BICRA: variants seen among roughly 807,000 people sequenced by gnomAD.
The protein encoded by BICRA is BRD4 interacting chromatin remodeling complex associated protein.
A neutral mutation model predicts 96.9 loss-of-function variants in BICRA; 31 were observed. The observed-to-expected ratio is 0.32, with a 90% CI of 0.24 to 0.43. The LOEUF is 0.43. Among genes scored for constraint, BICRA ranks in the 20% least tolerant of loss-of-function variants. The pLI is 1.00. For missense variants in BICRA, 2,283 were observed against 2,190.3 expected (o/e 1.04, Z -0.84); for synonymous variants, 1,350 against 1,071.8 (o/e 1.26, Z -5.07).
Position 47,697,482 on chromosome 19 carries a change from T to C in BICRA, c.3248+970T>C, listed in dbSNP as rs563373832. On this transcript the variant is annotated intron_variant, in intron 11 of 14. Transcript: ENST00000594866. Reference sequence around the variant, plus strand: ...CAGGCTGGTTGGTTTTGTTTTTGTTTTGTTTTGTTTTTGGAGACGAAGTCT... The same window carrying C: ...CAGGCTGGTTGGTTTTGTTTTTGTTCTGTTTTGTTTTTGGAGACGAAGTCT... 2.0e-4 allele frequency among the ~76,000 whole-genome samples: 30 copies of C among 151,564 alleles called. 1 individual carries two copies. The South Asian group carries it at 4.4e-3, about 22-fold the overall frequency.
intron 1 of BICRA, among the ~76,000 whole-genome samples, chr19:47,657,917 A>ACT (rs113660691): frequency 0.25 from 36,981 of 149,000 alleles, 4,713 homozygotes; most frequent in Middle Eastern, 0.31. Flanking sequence ...TCCCTCTTAT[A>ACT]CTCTCTCTCT....
chr19:47,670,952 G>A (rs1046535330), intron 2 of BICRA, among the ~76,000 whole-genome samples: 7 of 152,060 alleles, frequency 4.6e-5, no homozygotes, highest in South Asian at 2.1e-4. Flanking sequence ...GCGAGAGCCC[G>A]GGAGGCACCT....
At chr19:47,644,069 A>C (rs973784144) in intron 1 of BICRA, among the ~76,000 whole-genome samples, 7 of 152,102 alleles carry the variant, frequency 4.6e-5, no homozygotes, top group African/African-American at 1.7e-4. Flanking sequence ...CCCAGGCTGG[A>C]GTGCAGTGGG....
chr19:47,614,926 GGC>G (rs1353996703), intron 1 of BICRA, among the ~76,000 whole-genome samples: 1 of 152,164 alleles, frequency 6.6e-6, no homozygotes, highest in Non-Finnish European at 1.5e-5. Flanking sequence ...CTAGATCAAG[GGC>G]CAGTGATTTG....
At position 47,680,412 on chromosome 19, in the gene BICRA, C is replaced by G; in HGVS notation, c.1242C>G (p.Phe414Leu). 3 of 1,535,654 alleles carry G rather than the reference C, an allele frequency of 2.0e-6. No individual in the cohort carries two copies. The highest frequency in any genetic ancestry group is 2.6e-6 in the Non-Finnish European group (3 of 1,145,682). ...GCCAGAACGTGGTGCTGTCGGGCTT[C>G]CCCGCGCCTGCGCTGCAAGCGAACG... Reference protein sequence around the residue: ...KAGQNVVLSGFPAPALQANVF... With the variant: ...KAGQNVVLSGLPAPALQANVF... The change falls in exon 6 of 15, where the codon TTC becomes TTG. Residue 414 changes from phenylalanine (F) to leucine (L), a missense_variant. Coordinates refer to ENST00000594866, the MANE Select transcript of BICRA (RefSeq NM_001394372.1).
chr19:47,641,147 C>T lies in BICRA; in HGVS notation c.-107-29296C>T, dbSNP rs918458400. Among the ~76,000 whole-genome samples, 63 of 143,732 alleles carry T rather than the reference C, an allele frequency of 4.4e-4. 1 individual carries two copies. Among genetic ancestry groups the T allele is most frequent in the African/African-American group, 1.5e-3 (56 of 38,274 alleles). The allele number at this position is 143,732 out of a possible 152,430, so 94.3% of individuals were successfully genotyped here. A position where few individuals can be genotyped will look rare whatever the true frequency, so the allele number is the denominator to read the frequency against. ...GTGTTAGCCAGGATGGTCTCGGTCT[C>T]CTGACCTTGTGATCTGCCTGCCTCG... is the stretch of plus-strand genomic sequence containing the variant. On this transcript the variant is annotated intron_variant, in intron 1 of 14. Coordinates refer to ENST00000594866, the MANE Select transcript of BICRA (RefSeq NM_001394372.1).
intron 1 of BICRA, among the ~76,000 whole-genome samples, chr19:47,623,463 G>T (rs1399241677): frequency 6.6e-6 from 1 of 152,166 alleles, no homozygotes; most frequent in Non-Finnish European, 1.5e-5. Context: ...ACTTCCCAAG[G>T]TCACACAGGG....
chr19:47,672,345 AGATG>A (rs1454924695), intron 2 of BICRA, among the ~76,000 whole-genome samples: 5 of 144,986 alleles, frequency 3.4e-5, no homozygotes, highest in South Asian at 2.3e-4. Flanking sequence ...ATGGGTAGGT[AGATG>A]GATGGAAGGA....
At chr19:47,610,569 G>A (rs1355239847) in intron 1 of BICRA, among the ~76,000 whole-genome samples, 1 of 150,448 alleles carries the variant, frequency 6.6e-6, no homozygotes, top group African/African-American at 2.4e-5. Context: ...GCTGCAGTCT[G>A]TGCCCAGGCC....
chr19:47,685,741 CTGTGTGTGTGTG>C (rs3074109), intron 7 of BICRA, among the ~76,000 whole-genome samples: 73 of 115,554 alleles, frequency 6.3e-4, no homozygotes, highest in African/African-American at 1.6e-3. Flanking sequence ...TTGGCAGCCT[CTGTGTGTGTGTG>C]TGTGTGTGTG....
In BICRA at chr19:47,694,895, C is replaced by T. The variant is rs1973309641; in HGVS notation, c.2896-5C>T. On this transcript the variant is annotated splice_region_variant and splice_polypyrimidine_tract_variant and intron_variant, in intron 8 of 14. Transcript: ENST00000594866. ...CCACCCCTCATCCACCTGTCCCCTC[C>T]TCAGGTGCCGTCCGGAATCATCCTC... 6.6e-7 allele frequency: 1 copy of T among 1,508,642 alleles called. No individual in the cohort carries two copies. The highest frequency in any genetic ancestry group is 8.8e-7 in the Non-Finnish European group (1 of 1,134,402). The allele number at this position is 1,508,642 out of a possible 1,614,324, so 93.5% of individuals were successfully genotyped here. A position where few individuals can be genotyped will look rare whatever the true frequency, so the allele number is the denominator to read the frequency against.
chr19:47,659,674 A>T (rs1972673414), intron 1 of BICRA, among the ~76,000 whole-genome samples: 1 of 145,082 alleles, frequency 6.9e-6, no homozygotes, highest in Non-Finnish European at 1.5e-5. Context: ...GCAGCTGTAC[A>T]TGGTGGTGCA....
chr19:47,649,070 C>T (rs1718185993), intron 1 of BICRA, among the ~76,000 whole-genome samples: 1 of 152,092 alleles, frequency 6.6e-6, no homozygotes, highest in South Asian at 2.1e-4. Context: ...CTATGATGGT[C>T]TCAATCTCCT....
chr19:47,611,697 C>A (rs1971909755), intron 1 of BICRA, among the ~76,000 whole-genome samples: 1 of 152,162 alleles, frequency 6.6e-6, no homozygotes, highest in African/African-American at 2.4e-5. Flanking sequence ...TAACCTTAGG[C>A]AGGTCATTTA....
At chr19:47,688,070 C>G (rs1973186108) in intron 7 of BICRA, among the ~76,000 whole-genome samples, 1 of 151,882 alleles carries the variant, frequency 6.6e-6, no homozygotes, top group South Asian at 2.1e-4. Context: ...ACCCCCTGTG[C>G]TTTTCTCTAA....
At chr19:47,656,783 A>G (rs1365231617) in intron 1 of BICRA, among the ~76,000 whole-genome samples, 1 of 152,108 alleles carries the variant, frequency 6.6e-6, no homozygotes, top group Non-Finnish European at 1.5e-5. Context: ...TTTCCCAGTC[A>G]TTCCTGCATC....
In BICRA at chr19:47,701,545, T is replaced by TTCCTCCTCCTCCTCTGCCGCCTCCTCC. The variant is rs1973445835; in HGVS notation, c.3815_3841dup (p.Ser1272_Ser1280dup). On this transcript the variant is annotated inframe_insertion, in exon 15 of 15. Transcript: ENST00000594866. The surrounding 1 kb of genome is among the most constrained non-coding windows in gnomAD (Gnocchi z 5.4). ...GGGCGTCCTCCTCCCTGTCCTCCTCTTCCTCCTCCTCCTCTGCCGCCTCCT... is the reference window on the plus strand; with the variant it reads ...GGGCGTCCTCCTCCCTGTCCTCCTCTTCCTCCTCCTCCTCTGCCGCCTCCTCCTCCTCCTCCTCCTCTGCCGCCTCCT... 6.5e-7 allele frequency: 1 copy of TTCCTCCTCCTCCTCTGCCGCCTCCTCC among 1,548,390 alleles called. No individual in the cohort carries two copies. Among genetic ancestry groups the TTCCTCCTCCTCCTCTGCCGCCTCCTCC allele is most frequent in the Non-Finnish European group, 8.7e-7 (1 of 1,146,244 alleles).
intron 7 of BICRA, among the ~76,000 whole-genome samples, chr19:47,689,791 C>A (rs2123600751): frequency 6.6e-6 from 1 of 152,334 alleles, no homozygotes; most frequent in East Asian, 1.9e-4. Context: ...ACGTTTCTCT[C>A]CCATTTGTAC....
intron 1 of BICRA, among the ~76,000 whole-genome samples, chr19:47,640,403 G>T (rs1972366736): frequency 6.6e-6 from 1 of 152,090 alleles, no homozygotes; most frequent in Non-Finnish European, 1.5e-5. Context: ...GATGGTGTGT[G>T]CCTGTAATCC....
Sources: gnomAD v4.1 joint callset for allele counts (sites outside exome capture counted in the v4.1 genomes callset) on GRCh38, gnomAD v4.1.1 for gene constraint, Gnocchi (gnomAD v3.1) non-coding constraint, MANE v1.5 for transcripts, NCBI Gene and HGNC (gene_info 2026-07-23, HGNC 2026-07-21) for gene names.